The following CFAP20DC variants were observed in gnomAD, a reference collection of about 807,000 sequenced individuals.
CFAP20DC encodes protein CFAP20DC.
A neutral mutation model predicts 101.7 loss-of-function variants in CFAP20DC; 84 were observed. The ratio of observed to expected loss-of-function variants is 0.83; its 90% CI spans 0.69 to 0.99. The LOEUF (loss-of-function observed/expected upper bound fraction) is 0.99, where lower values mean the gene tolerates loss of function less well. CFAP20DC is among the 50% of genes least tolerant of loss of function. The probability of loss-of-function intolerance (pLI) is 0.00; values close to 1 mark genes in which losing one functional copy is unlikely to be tolerated. For missense variants in CFAP20DC, 1,007 were observed against 970.3 expected (o/e 1.04, Z -0.50); for synonymous variants, 359 against 351.2 (o/e 1.02, Z -0.25).
chr3:58,930,530 T>G (rs539145830), intron 5 of CFAP20DC, among the ~76,000 whole-genome samples: 5 of 152,212 alleles, frequency 3.3e-5, no homozygotes, highest in Non-Finnish European at 7.3e-5. Context: ...AAATGTCCCT[T>G]TGTCAGTTTT....
chr3:59,026,350 C>A (rs1205210978), intron 4 of CFAP20DC, among the ~76,000 whole-genome samples: 1 of 152,130 alleles, frequency 6.6e-6, no homozygotes, highest in South Asian at 2.1e-4. Flanking sequence ...GAGATGTATT[C>A]CCTTGGTGAC....
intron 13 of CFAP20DC, among the ~76,000 whole-genome samples, chr3:58,846,719 C>T (rs2077680540): frequency 6.7e-6 from 1 of 150,318 alleles, no homozygotes; most frequent in African/African-American, 2.5e-5. Flanking sequence ...CAATCCTAAG[C>T]CAAAAGAACA....
intron 4 of CFAP20DC, among the ~76,000 whole-genome samples, chr3:58,966,283 G>A (rs2091519028): frequency 6.6e-6 from 1 of 152,102 alleles, no homozygotes; most frequent in South Asian, 2.1e-4. Flanking sequence ...GCAGAGAGGA[G>A]GTCTTGGCTG....
chr3:58,851,880 G>A (rs1190460024), intron 12 of CFAP20DC, among the ~76,000 whole-genome samples: 1 of 152,186 alleles, frequency 6.6e-6, no homozygotes, highest in African/African-American at 2.4e-5. Flanking sequence ...TTTTTGATGA[G>A]AGAAGTGAGT....
At chr3:58,752,957 TGA>T (rs1346661271) in intron 16 of CFAP20DC, among the ~76,000 whole-genome samples, 1 of 152,156 alleles carries the variant, frequency 6.6e-6, no homozygotes, top group Non-Finnish European at 1.5e-5. Flanking sequence ...GAAAACTGTC[TGA>T]GAGAGTCCCA....
At chr3:58,866,204 C>T (rs2079673574) in intron 11 of CFAP20DC, among the ~76,000 whole-genome samples, 1 of 152,272 alleles carries the variant, frequency 6.6e-6, no homozygotes, top group East Asian at 1.9e-4. Flanking sequence ...CACACACCTG[C>T]TAGGCAAGAT....
rs980831919 is a variant in CFAP20DC at position 58,914,695 on chromosome 3, T to A, written c.394-831A>T. Among the ~76,000 whole-genome samples, 2 of 149,644 alleles carry A rather than the reference T, an allele frequency of 1.3e-5. No homozygotes were observed. The highest frequency in any genetic ancestry group is 2.1e-4 in the South Asian group (1 of 4,800). On this transcript the variant is annotated intron_variant, in intron 5 of 16. Transcript: ENST00000482387. The surrounding 1 kb of genome is among the most constrained non-coding windows in gnomAD (Gnocchi z 4.9). ...ATATATAAATATATATATATATATT[T>A]TTTTTCTTTTTTTTAAAGACAAATC...
rs186692324 is a variant in CFAP20DC, at chr3:58,919,470, T to A, written c.394-5606A>T. On this transcript the variant is annotated intron_variant, in intron 5 of 16. Transcript: ENST00000482387. Reference sequence around the variant, plus strand: ...AGGTATAAGTAATTTTTGGAAATTGTTTTGACTATTCTAGGTCTTTTGACT... The same window carrying A: ...AGGTATAAGTAATTTTTGGAAATTGATTTGACTATTCTAGGTCTTTTGACT... 1.8e-4 allele frequency among the ~76,000 whole-genome samples: 28 copies of A among 152,322 alleles called. No individual in the cohort carries two copies. The East Asian group carries it at 5.4e-3, about 29-fold the overall frequency.
intron 5 of CFAP20DC, among the ~76,000 whole-genome samples, chr3:58,925,239 T>C (rs904652682): frequency 1.3e-5 from 2 of 152,300 alleles, no homozygotes; most frequent in Non-Finnish European, 1.5e-5. Flanking sequence ...TTCTAGATGT[T>C]GTTATCATTC....
intron 4 of CFAP20DC, among the ~76,000 whole-genome samples, chr3:58,951,667 A>G (rs1240387331): frequency 6.6e-6 from 1 of 152,264 alleles, no homozygotes; most frequent in East Asian, 1.9e-4. Flanking sequence ...ACAAAAAACC[A>G]AACACCTCAT....
At chr3:58,972,171 T>C (rs1040632741) in intron 4 of CFAP20DC, among the ~76,000 whole-genome samples, 3 of 152,174 alleles carry the variant, frequency 2.0e-5, no homozygotes, top group Non-Finnish European at 2.9e-5. Context: ...CAACATATTA[T>C]AGGTAGCACA....
At chr3:59,027,390 C>T (rs773029317) in intron 4 of CFAP20DC, among the ~76,000 whole-genome samples, 2 of 152,156 alleles carry the variant, frequency 1.3e-5, no homozygotes, top group Non-Finnish European at 2.9e-5. Context: ...ATAATATTCT[C>T]CATGACCCAA....
At chr3:58,926,518 T>C (rs774689503) in intron 5 of CFAP20DC, among the ~76,000 whole-genome samples, 4 of 152,218 alleles carry the variant, frequency 2.6e-5, no homozygotes, top group Non-Finnish European at 5.9e-5. Context: ...TCTCTAATTG[T>C]ATTTTGTACG....
At chr3:58,986,129 C>T (rs372597952) in intron 4 of CFAP20DC, among the ~76,000 whole-genome samples, 14 of 151,874 alleles carry the variant, frequency 9.2e-5, no homozygotes, top group East Asian at 1.9e-4. Context: ...ACATAGTCTG[C>T]GAAAATATAA....
chr3:58,939,651 G>A (rs1015867340), intron 4 of CFAP20DC, among the ~76,000 whole-genome samples: 1 of 151,824 alleles, frequency 6.6e-6, no homozygotes, highest in African/African-American at 2.4e-5. Context: ...GTAGAGACAG[G>A]GTTTCATGAT....
intron 4 of CFAP20DC, among the ~76,000 whole-genome samples, chr3:59,011,013 C>CTA (rs1202392087): frequency 6.6e-6 from 1 of 152,134 alleles, no homozygotes; most frequent in Non-Finnish European, 1.5e-5. Flanking sequence ...TTCAACTGGA[C>CTA]TATAATAGTG....
chr3:58,919,246 A>G (rs1270983792), intron 5 of CFAP20DC, among the ~76,000 whole-genome samples: 1 of 152,098 alleles, frequency 6.6e-6, no homozygotes, highest in East Asian at 1.9e-4. Context: ...AGTGTTGTGT[A>G]TATTGGTAGT....
chr3:58,895,403 A>T (rs539650781), intron 6 of CFAP20DC, among the ~76,000 whole-genome samples: 1 of 152,192 alleles, frequency 6.6e-6, no homozygotes, highest in Admixed American at 6.5e-5. Context: ...TCAAAGTTCC[A>T]CAAATCTAGG....
chr3:58,742,631 C>T, intron 16 of CFAP20DC, 59 bp from the exon 17 acceptor site: 4 of 1,279,176 alleles, frequency 3.1e-6, no homozygotes, highest in Non-Finnish European at 4.4e-6. Context: ...AATCCCCAAA[C>T]AAGGGCAACG....
Sources: allele counts gnomAD v4.1 joint callset (sites outside exome capture counted in the v4.1 genomes callset), GRCh38; gene constraint gnomAD v4.1.1; non-coding constraint Gnocchi (gnomAD v3.1); transcripts MANE v1.5; gene names NCBI Gene and HGNC (gene_info 2026-07-23, HGNC 2026-07-21).